The following KCNH7 variants were observed in gnomAD, a reference collection of about 807,000 sequenced individuals.
KCNH7 encodes potassium voltage-gated channel subfamily H member 7, also known as voltage-gated inwardly rectifying potassium channel KCNH7.
Under a neutral mutation model 120.8 loss-of-function variants are expected in KCNH7, and 49 were observed. The ratio of observed to expected loss-of-function variants is 0.41; its 90% CI spans 0.32 to 0.51. KCNH7 has a LOEUF of 0.51. Among genes scored for constraint, KCNH7 ranks in the 20% least tolerant of loss-of-function variants. The pLI, the probability that KCNH7 is intolerant of heterozygous loss-of-function variation, is 0.38. For missense variants in KCNH7, 1,097 were observed against 1,446.6 expected (o/e 0.76, Z 3.92); for synonymous variants, 547 against 516.1 (o/e 1.06, Z -0.81).
chr2:162,385,874 T>G (rs535246515), intron 12 of KCNH7, among the ~76,000 whole-genome samples: 2 of 152,036 alleles, frequency 1.3e-5, no homozygotes, highest in African/African-American at 4.8e-5. Flanking sequence ...TTCCAACTGT[T>G]TTTAAAAATT....
rs1491218237 is a variant in KCNH7, at chr2:162,462,536, CAA to C, written c.1129-16095_1129-16094del. On this transcript the variant is annotated intron_variant, in intron 6 of 15. Coordinates refer to ENST00000332142, the MANE Select transcript of KCNH7 (RefSeq NM_033272.4). ...GAGTGAGAGCAAGAGAGAGAGAGAG[CAA>C]GAGAGAGAGAGAGAGAGAGAGAGTC... 9.3e-5 allele frequency among the ~76,000 whole-genome samples: 12 copies of C among 129,682 alleles called. No individual in the cohort carries two copies. In the East Asian group the frequency reaches 1.6e-3, roughly 17 times the overall value. 85.1% of individuals were successfully genotyped at this position (129,682 alleles called of 152,430 possible). A position where few individuals can be genotyped will look rare whatever the true frequency, so the allele number is the denominator to read the frequency against.
rs187596924 is a variant in KCNH7 at position 162,602,668 on chromosome 2, T to G, written c.308-65588A>C. Among the ~76,000 whole-genome samples, 301 of 152,200 alleles carry G rather than the reference T, an allele frequency of 2.0e-3. 1 individual carries two copies. The highest frequency in any genetic ancestry group is 6.8e-3 in the African/African-American group (283 of 41,524). ...ACCTCCCTAACGACTTTATCTATAA[T>G]ATTCCAATACTAGTTATCCATTTTT... On this transcript the variant is annotated intron_variant, in intron 2 of 15. Transcript: ENST00000332142.
chr2:162,517,697 A>T, intron 4 of KCNH7, 33 bp downstream of exon 4: 1 of 1,473,388 alleles, frequency 6.8e-7, no homozygotes, highest in Middle Eastern at 1.8e-4. Context: ...ACCCATTAAT[A>T]TATGTTTCCA....
At chr2:162,781,882 A>G (rs1256861066) in intron 2 of KCNH7, among the ~76,000 whole-genome samples, 3 of 152,218 alleles carry the variant, frequency 2.0e-5, no homozygotes, top group African/African-American at 7.2e-5. Context: ...CCTGCACAAA[A>G]GAAATTATGA....
chr2:162,761,688 G>A (rs776702015), intron 2 of KCNH7, among the ~76,000 whole-genome samples: 1 of 152,062 alleles, frequency 6.6e-6, no homozygotes, highest in African/African-American at 2.4e-5. Context: ...TCTAAGTCAG[G>A]CAGTCTAATT....
chr2:162,512,624 C>A, intron 5 of KCNH7, 30 bp downstream of exon 5: 1 of 1,603,970 alleles, frequency 6.2e-7, no homozygotes, highest in Non-Finnish European at 8.5e-7. Flanking sequence ...GGTTGAACAT[C>A]AGATGGTGAA....
intron 2 of KCNH7, among the ~76,000 whole-genome samples, chr2:162,576,028 A>G (rs1446529519): frequency 6.6e-6 from 1 of 152,080 alleles, no homozygotes; most frequent in African/African-American, 2.4e-5. Context: ...TTTGATTTAG[A>G]AGTGAACCCA....
chr2:162,775,131 C>G (rs1343035137), intron 2 of KCNH7, among the ~76,000 whole-genome samples: 1 of 152,082 alleles, frequency 6.6e-6, no homozygotes, highest in Admixed American at 6.6e-5. Flanking sequence ...TAGAAATACA[C>G]TACTCTCCTA....
chr2:162,466,286 C>T (rs531976643), intron 6 of KCNH7, among the ~76,000 whole-genome samples: 3 of 152,054 alleles, frequency 2.0e-5, no homozygotes, highest in Non-Finnish European at 4.4e-5. Context: ...AAAGAACCGC[C>T]CAAGACTGGG....
chr2:162,586,670 T>TA (rs1164316508), intron 2 of KCNH7, among the ~76,000 whole-genome samples: 1 of 151,886 alleles, frequency 6.6e-6, no homozygotes, highest in African/African-American at 2.4e-5. Flanking sequence ...TTTCCTTTTT[T>TA]TTTTTTTTGC....
At chr2:162,497,418 A>G (rs1690530634) in intron 6 of KCNH7, among the ~76,000 whole-genome samples, 1 of 152,148 alleles carries the variant, frequency 6.6e-6, no homozygotes, top group South Asian at 2.1e-4. Flanking sequence ...AATTTAAACA[A>G]GAGACCGTGC....
chr2:162,810,561 G>T (rs1003181658), intron 2 of KCNH7, among the ~76,000 whole-genome samples: 3 of 152,116 alleles, frequency 2.0e-5, no homozygotes, highest in Non-Finnish European at 4.4e-5. Flanking sequence ...GTTTATATTT[G>T]CATTTCTCAC....
At chr2:162,800,177 C>G (rs1369387551) in intron 2 of KCNH7, among the ~76,000 whole-genome samples, 1 of 151,406 alleles carries the variant, frequency 6.6e-6, no homozygotes, top group Admixed American at 6.6e-5. Flanking sequence ...GAACTTAAAC[C>G]CGGATAGAAA....
At chr2:162,779,164 T>A (rs1007120930) in intron 2 of KCNH7, among the ~76,000 whole-genome samples, 1 of 149,130 alleles carries the variant, frequency 6.7e-6, no homozygotes, top group African/African-American at 2.5e-5. Flanking sequence ...AACGACAGCA[T>A]TTAAGCCAGT....
chr2:162,661,661 C>A (rs1178844982), intron 2 of KCNH7, among the ~76,000 whole-genome samples: 1 of 151,688 alleles, frequency 6.6e-6, no homozygotes, highest in Non-Finnish European at 1.5e-5. Flanking sequence ...AATTCTGATA[C>A]ATAAAAAATG....
chr2:162,797,941 A>G (rs1251745149), intron 2 of KCNH7: 1 of 152,154 alleles, frequency 6.6e-6, no homozygotes, highest in Non-Finnish European at 1.5e-5. Flanking sequence ...ATAGTGGCCC[A>G]TTTCTAAATT....
chr2:162,445,945 T>C, intron 7 of KCNH7, 73 bp downstream of exon 7: 2 of 1,203,810 alleles, frequency 1.7e-6, no homozygotes, highest in Middle Eastern at 2.0e-4. Context: ...GCAACTCTTC[T>C]TTTTGCAGTT....
intron 2 of KCNH7, among the ~76,000 whole-genome samples, chr2:162,739,929 C>T (rs1454947065): frequency 6.6e-6 from 1 of 152,030 alleles, no homozygotes; most frequent in African/African-American, 2.4e-5. Context: ...CTCATTAAAG[C>T]ACTGTAAATG....
At chr2:162,543,387 T>C (rs1692378621) in intron 2 of KCNH7, among the ~76,000 whole-genome samples, 1 of 152,068 alleles carries the variant, frequency 6.6e-6, no homozygotes, top group African/African-American at 2.4e-5. Flanking sequence ...GATGGGGTAA[T>C]ATGGGACTAG....
Sources: gnomAD v4.1 joint callset for allele counts (sites outside exome capture counted in the v4.1 genomes callset) on GRCh38, gnomAD v4.1.1 for gene constraint, MANE v1.5 for transcripts, NCBI Gene and HGNC (gene_info 2026-07-23, HGNC 2026-07-21) for gene names.